AEBP2: variants seen among roughly 807,000 people sequenced by gnomAD.
AEBP2 encodes the protein AE binding protein 2, also known as zinc finger protein AEBP2.
AEBP2 carries 10 observed loss-of-function variants against 50.8 expected under a neutral mutation model. That is an observed-to-expected ratio of 0.20 (90% confidence interval 0.12 to 0.33). The LOEUF is 0.33. Ranked by LOEUF, AEBP2 falls within the 10% of genes least tolerant of loss-of-function variation. AEBP2 has a pLI of 1.00. For missense variants in AEBP2, 570 were observed against 688.0 expected, an observed-to-expected ratio of 0.83 and a Z score of 1.92; for synonymous variants, 296 against 261.3, an observed-to-expected ratio of 1.13 and a Z score of -1.28.
At chr12:19,504,295 C>T (rs531589850) in intron 5 of AEBP2, among the ~76,000 whole-genome samples, 23 of 151,382 alleles carry the variant, frequency 1.5e-4, no homozygotes, top group African/African-American at 4.8e-4. Context: ...AGTGCAGTGG[C>T]GCGATCTCGG....
intron 5 of AEBP2, 49 bp downstream of exon 5, chr12:19,500,270 A>T (rs1443000878): frequency 1.5e-6 from 2 of 1,354,862 alleles, no homozygotes; most frequent in South Asian, 1.6e-5. Context: ...TTTGCAAAAA[A>T]ATATTTCCAC....
At chr12:19,488,779 C>G (rs1948853182) in intron 3 of AEBP2, among the ~76,000 whole-genome samples, 1 of 152,064 alleles carries the variant, frequency 6.6e-6, no homozygotes, top group South Asian at 2.1e-4. Flanking sequence ...TTTAGAAAAG[C>G]TACTTGGCCA....
At chr12:19,420,777 C>T (rs796550655) in intron 1 of AEBP2, among the ~76,000 whole-genome samples, 11 of 152,246 alleles carry the variant, frequency 7.2e-5, no homozygotes, top group African/African-American at 2.6e-4. Flanking sequence ...GATTGACCTT[C>T]CTGGCAAAAT....
chr12:19,495,492 A>G (rs1325546653), intron 4 of AEBP2, among the ~76,000 whole-genome samples: 1 of 151,674 alleles, frequency 6.6e-6, no homozygotes, highest in Non-Finnish European at 1.5e-5. Flanking sequence ...TTTTTTTTCT[A>G]CCTCATTAAC....
chr12:19,502,439 T>C (rs79984547), intron 5 of AEBP2, among the ~76,000 whole-genome samples: 7,385 of 152,136 alleles, frequency 0.049, 397 homozygotes, highest in Admixed American at 0.15. Context: ...CGGCCTATCT[T>C]GAGTTAATTT....
chr12:19,434,012 A>C (rs2095752959), intron 1 of AEBP2, among the ~76,000 whole-genome samples: 2 of 151,366 alleles, frequency 1.3e-5, no homozygotes, highest in African/African-American at 4.9e-5. Context: ...ATGCCCGACT[A>C]ATTTTTTTTA....
chr12:19,420,622 G>A (rs1010811507), intron 1 of AEBP2, among the ~76,000 whole-genome samples: 3 of 151,950 alleles, frequency 2.0e-5, no homozygotes, highest in Non-Finnish European at 4.4e-5. Flanking sequence ...CACTGCGCCC[G>A]GCCAATAGCT....
In AEBP2 at chr12:19,440,243, T is replaced by C; in HGVS notation, c.544T>C (p.Ser182Pro). ...CGGCAGCAGTAGCAGCAGCGTAGTC[T>C]CCAGCGGCGGCGACGAGGGCTACGG... Reference protein sequence around the residue: ...GGGSSSSSVVSSGGDEGYGTG... With the variant: ...GGGSSSSSVVPSGGDEGYGTG... The change falls in exon 1 of 8, where the codon TCC becomes CCC. Residue 182 changes from serine to proline, a missense_variant. This residue lies in a region of AEBP2 where 386 missense variants were observed against 336.8 expected (regional missense o/e 1.15). Coordinates refer to ENST00000266508, the MANE Select transcript of AEBP2 (RefSeq NM_153207.5). The C allele has an allele frequency of 6.8e-7, 1 of 1,467,518 alleles. No individual in the cohort carries two copies. Among genetic ancestry groups the C allele is most frequent in the Non-Finnish European group, 8.9e-7 (1 of 1,121,206 alleles). 90.9% of individuals were successfully genotyped at this position (1,467,518 alleles called of 1,614,324 possible). A position where few individuals can be genotyped will look rare whatever the true frequency, so the allele number is the denominator to read the frequency against.
chr12:19,476,534 G>A (rs1948651690), intron 3 of AEBP2, among the ~76,000 whole-genome samples: 1 of 148,302 alleles, frequency 6.7e-6, no homozygotes. Flanking sequence ...TAGAGACAGA[G>A]CTTCACCCTG....
chr12:19,433,183 C>T lies in AEBP2; in HGVS notation c.-17+28967C>T, dbSNP rs555354304. Among the ~76,000 whole-genome samples, 28 of 151,934 alleles carry T rather than the reference C, an allele frequency of 1.8e-4. No homozygotes were observed. The South Asian group carries it at 4.2e-3, about 23-fold the overall frequency. On this transcript the variant is annotated intron_variant, in intron 1 of 3. Transcript: ENST00000538425. Reference sequence around the variant, plus strand: ...GGCGGATCATTTGAGTTCAGGAGTTCGAGACCAGCCTGGCCAACATGGTGA... The same window carrying T: ...GGCGGATCATTTGAGTTCAGGAGTTTGAGACCAGCCTGGCCAACATGGTGA...
chr12:19,516,884 G>A (rs1163832360), intron 7 of AEBP2, among the ~76,000 whole-genome samples: 1 of 152,014 alleles, frequency 6.6e-6, no homozygotes, highest in South Asian at 2.1e-4. Flanking sequence ...AAAATCAGTC[G>A]GACGTAGTGT....
intron 6 of AEBP2, among the ~76,000 whole-genome samples, chr12:19,514,375 T>C (rs1949287985): frequency 6.6e-6 from 1 of 152,184 alleles, no homozygotes; most frequent in South Asian, 2.1e-4. Flanking sequence ...ATTTCACTCA[T>C]TGAGTTAAAA....
intron 3 of AEBP2, among the ~76,000 whole-genome samples, chr12:19,484,595 G>C (rs530571448): frequency 1.3e-5 from 2 of 151,922 alleles, no homozygotes; most frequent in Admixed American, 1.3e-4. Flanking sequence ...GGATGGTCTC[G>C]ATCTCTTGAC....
At chr12:19,422,406 A>G (rs1324551068) in intron 1 of AEBP2, among the ~76,000 whole-genome samples, 1 of 152,128 alleles carries the variant, frequency 6.6e-6, no homozygotes, top group Non-Finnish European at 1.5e-5. Flanking sequence ...CAGAAAATCC[A>G]TACTCCCCAG....
chr12:19,419,693 G>T, intron 1 of AEBP2, among the ~76,000 whole-genome samples: 1 of 152,136 alleles, frequency 6.6e-6, no homozygotes, highest in Non-Finnish European at 1.5e-5. Context: ...ACTTTGGGAG[G>T]CCGAAGCGGG....
At chr12:19,487,759 A>G (rs1483310963) in intron 3 of AEBP2, among the ~76,000 whole-genome samples, 1 of 152,232 alleles carries the variant, frequency 6.6e-6, no homozygotes, top group Admixed American at 6.5e-5. Flanking sequence ...GGGAGCATTT[A>G]AAAAAGTGAA....
chr12:19,496,961 C>T (rs141960907), intron 4 of AEBP2, among the ~76,000 whole-genome samples: 192 of 151,320 alleles, frequency 1.3e-3, no homozygotes, highest in African/African-American at 4.0e-3. Context: ...TCACCGCACC[C>T]GGCCTGATAA....
intron 1 of AEBP2, among the ~76,000 whole-genome samples, chr12:19,459,446 T>TG (rs1402075061): frequency 6.6e-6 from 1 of 152,146 alleles, no homozygotes; most frequent in Non-Finnish European, 1.5e-5. Context: ...TTAGCCAGGC[T>TG]GGTCTCGATC....
At chr12:19,422,784 C>A (rs1305959950) in intron 1 of AEBP2, among the ~76,000 whole-genome samples, 1 of 152,080 alleles carries the variant, frequency 6.6e-6, no homozygotes, top group Admixed American at 6.6e-5. Flanking sequence ...TCTGCCCAGG[C>A]CGGGCATGGT....
Sources: gnomAD v4.1 joint callset for allele counts (sites outside exome capture counted in the v4.1 genomes callset) on GRCh38, gnomAD v4.1.1 for gene constraint, gnomAD v4.1.1 regional missense constraint, MANE v1.5 for transcripts, NCBI Gene and HGNC (gene_info 2026-07-23, HGNC 2026-07-21) for gene names.